Variants in FAM228A observed in about 807,000 individuals in gnomAD.
FAM228A encodes the protein protein FAM228A.
In FAM228A, 13 loss-of-function variants were observed where a neutral mutation model predicts 18.6. The ratio of observed to expected loss-of-function variants is 0.70; its 90% CI spans 0.45 to 1.11. The LOEUF is 1.11. Ranked by LOEUF, FAM228A falls within the 50% of genes least tolerant of loss-of-function variation. The pLI, the probability that FAM228A is intolerant of heterozygous loss-of-function variation, is 0.00. For synonymous variants in FAM228A, 77 were observed against 86.6 expected, an observed-to-expected ratio of 0.89 and a Z score of 0.61; for missense variants, 240 against 242.2, an observed-to-expected ratio of 0.99 and a Z score of 0.06.
Position 24,177,888 on chromosome 2 carries a change from G to A in FAM228A, c.162+18G>A, listed in dbSNP as rs1034280331. 5.8e-6 allele frequency: 9 copies of A among 1,544,600 alleles called. No individual in the cohort carries two copies. The East Asian group carries it at 9.1e-5, about 16-fold the overall frequency. Reference sequence around the variant, plus strand: ...TTGTGAAGGTAAGAGTTGGCTCCACGCTGCATTCTACATATGTTCTAGGGG... The same window carrying A: ...TTGTGAAGGTAAGAGTTGGCTCCACACTGCATTCTACATATGTTCTAGGGG... On this transcript the variant is annotated intron_variant, in intron 3 of 5. Coordinates refer to ENST00000295150, the MANE Select transcript of FAM228A (RefSeq NM_001040710.3).
Position 24,191,100 on chromosome 2 carries a change from A to G in FAM228A, c.*469A>G, listed in dbSNP as rs1197916435. ...TTAAAAGGTATTTTTATATGTAGGA[A>G]TTTTCTGAGTATGGATTTCTTATCC... On this transcript the variant is annotated 3_prime_UTR_variant, in exon 6 of 6. Transcript: ENST00000295150. 2 of 985,714 alleles carry G rather than the reference A, an allele frequency of 2.0e-6. No homozygotes were observed. Among genetic ancestry groups the G allele is most frequent in the Non-Finnish European group, 2.4e-6 (2 of 830,224 alleles). 61.1% of individuals were successfully genotyped at this position (985,714 alleles called of 1,614,324 possible).
rs1668063103 is a variant in FAM228A, at chr2:24,190,711, A to T, written c.*80A>T. 6.9e-7 allele frequency: 1 copy of T among 1,448,760 alleles called. No homozygotes were observed. The highest frequency in any genetic ancestry group is 9.1e-7 in the Non-Finnish European group (1 of 1,099,356). The allele number at this position is 1,448,760 out of a possible 1,614,324, so 89.7% of individuals were successfully genotyped here. A position where few individuals can be genotyped will look rare whatever the true frequency, so the allele number is the denominator to read the frequency against. On this transcript the variant is annotated 3_prime_UTR_variant, in exon 6 of 6. Transcript: ENST00000295150. Reference sequence around the variant, plus strand: ...GCCCAAGAAGAAGGGTGTGAAGAGGAGGAGGGAGAAATGGCGGTGGCCTCA... The same window carrying T: ...GCCCAAGAAGAAGGGTGTGAAGAGGTGGAGGGAGAAATGGCGGTGGCCTCA...
intron 5 of FAM228A, among the ~76,000 whole-genome samples, chr2:24,188,107 G>T (rs10185445): frequency 0.23 from 35,443 of 151,824 alleles, 4,712 homozygotes; most frequent in Non-Finnish European, 0.3. Flanking sequence ...CCCTGTCTCT[G>T]ATCATTTTTG....
intron 3 of FAM228A, among the ~76,000 whole-genome samples, chr2:24,180,046 T>A (rs886219020): frequency 7.9e-5 from 12 of 152,344 alleles, no homozygotes; most frequent in Non-Finnish European, 1.3e-4. Flanking sequence ...GATTTTTTTT[T>A]ATTTTGAGGT....
In FAM228A at chr2:24,183,615, C is replaced by T; in HGVS notation, c.371C>T (p.Ala124Val). Residue 124 changes from alanine to valine, a missense_variant, in exon 5 of 6, where the codon GCA becomes GTA. By Grantham distance (64) the Ala-to-Val change is moderately conservative (BLOSUM62 0). Coordinates refer to ENST00000295150, the MANE Select transcript of FAM228A (RefSeq NM_001040710.3). ...VIPKEWHKAS[A>V]RARSKTYKYS... is the part of the protein sequence containing the mutation. ...CCAAAAGAGTGGCATAAAGCCTCTG[C>T]AAGAGCCAGGAGTAAAACTTACAAA... is the stretch of plus-strand genomic sequence containing the variant. The T allele has an allele frequency of 2.5e-6, 4 of 1,610,566 alleles. No homozygotes were observed. Among genetic ancestry groups the T allele is most frequent in the Non-Finnish European group, 3.4e-6 (4 of 1,178,666 alleles).
In FAM228A at chr2:24,190,637, C is replaced by A; in HGVS notation, c.*6C>A. The A allele has an allele frequency of 1.3e-6, 2 of 1,528,206 alleles. No homozygotes were observed. The highest frequency in any genetic ancestry group is 2.6e-5 in the South Asian group (2 of 77,200). The allele number at this position is 1,528,206 out of a possible 1,614,324, so 94.7% of individuals were successfully genotyped here. On this transcript the variant is annotated 3_prime_UTR_variant, in exon 6 of 6. Transcript: ENST00000295150. ...ACATACTGGTTCCAGAATGAGCCAC[C>A]GCCACAGCCCTCCCTGTCAGACAGG...
chr2:24,182,614 T>C (rs1667841969), intron 3 of FAM228A, among the ~76,000 whole-genome samples: 2 of 152,100 alleles, frequency 1.3e-5, no homozygotes, highest in Non-Finnish European at 2.9e-5. Flanking sequence ...TACGGACCAG[T>C]TGTCAGCTTC....
intron 3 of FAM228A, among the ~76,000 whole-genome samples, chr2:24,178,601 A>G (rs1457340115): frequency 3.9e-5 from 6 of 152,130 alleles, no homozygotes; most frequent in Non-Finnish European, 8.8e-5. Flanking sequence ...AAACTTTGAC[A>G]TTTGAATTGT....
intron 2 of FAM228A, 103 bp downstream of exon 2, chr2:24,175,676 T>C (rs1667665069): frequency 1.1e-6 from 1 of 910,510 alleles, no homozygotes; most frequent in African/African-American, 1.7e-5. Context: ...ATTGTGACAG[T>C]GCCTGCTTTA....
intron 3 of FAM228A, among the ~76,000 whole-genome samples, chr2:24,180,815 C>A (rs750603071): frequency 2.7e-4 from 41 of 152,166 alleles, no homozygotes; most frequent in Admixed American, 2.6e-4. Context: ...CCTGATGTCA[C>A]ACTGTTGAAG....
intron 5 of FAM228A, among the ~76,000 whole-genome samples, chr2:24,189,300 G>T (rs1668028258): frequency 6.6e-6 from 1 of 152,134 alleles, no homozygotes; most frequent in African/African-American, 2.4e-5. Context: ...ACCCTTTCCG[G>T]CCTCATCACA....
intron 2 of FAM228A, chr2:24,175,791 C>A: frequency 1.1e-6 from 1 of 870,120 alleles, no homozygotes; most frequent in Non-Finnish European, 1.6e-6. Flanking sequence ...CGGGGGCGGG[C>A]AGCCGGGCGG....
chr2:24,187,365 C>T (rs1295116974), intron 5 of FAM228A, among the ~76,000 whole-genome samples: 4 of 152,196 alleles, frequency 2.6e-5, no homozygotes, highest in Non-Finnish European at 1.5e-5. Context: ...CCTCCTGTCC[C>T]CCAACAAACA....
At chr2:24,179,844 G>A (rs770767993) in intron 3 of FAM228A, among the ~76,000 whole-genome samples, 5 of 152,146 alleles carry the variant, frequency 3.3e-5, no homozygotes, top group African/African-American at 4.8e-5. Context: ...CCAGGACTGG[G>A]TCATGAAGCA....
In FAM228A at chr2:24,183,323, A is replaced by G. The variant is rs1442025968; in HGVS notation, c.201A>G (p.Arg67=). ...VPPFVDPLFQ[R]QQEVDEERRT... is the part of the protein sequence containing the mutation. Reference sequence around the variant, plus strand: ...CATTTGTTGATCCTCTGTTTCAAAGACAGCAAGAGGTGGATGAAGAGAGGA... The same window carrying G: ...CATTTGTTGATCCTCTGTTTCAAAGGCAGCAAGAGGTGGATGAAGAGAGGA... The change falls in exon 4 of 6, where the codon AGA becomes AGG. Residue 67 remains arginine, a synonymous_variant. Coordinates refer to ENST00000295150, the MANE Select transcript of FAM228A (RefSeq NM_001040710.3). 6.2e-7 allele frequency: 1 copy of G among 1,613,942 alleles called. No individual in the cohort carries two copies. Among genetic ancestry groups the G allele is most frequent in the African/African-American group, 1.3e-5 (1 of 74,910 alleles).
intron 3 of FAM228A, among the ~76,000 whole-genome samples, chr2:24,180,950 T>C (rs1423699876): frequency 6.6e-6 from 1 of 152,316 alleles, no homozygotes; most frequent in East Asian, 1.9e-4. Flanking sequence ...ATGAACCTTT[T>C]AAGTATTTTA....
chr2:24,188,479 C>G (rs1321149225), intron 5 of FAM228A: 1 of 985,244 alleles, frequency 1.0e-6, no homozygotes, highest in Non-Finnish European at 1.2e-6. Flanking sequence ...GAGTTTCTGT[C>G]CTCCATTGAG....
chr2:24,184,826 CTTT>C (rs1169233564), intron 5 of FAM228A, among the ~76,000 whole-genome samples: 2 of 138,412 alleles, frequency 1.4e-5, no homozygotes, highest in African/African-American at 2.6e-5. Flanking sequence ...GCTGTATGGC[CTTT>C]TTTTTTTTTT....
chr2:24,190,010 C>T (rs1413051506), intron 5 of FAM228A, among the ~76,000 whole-genome samples: 2 of 152,152 alleles, frequency 1.3e-5, no homozygotes, highest in African/African-American at 2.4e-5. Flanking sequence ...TACTTCTCTT[C>T]GTGAACCTGC....
Sources: gnomAD v4.1 joint callset for allele counts (sites outside exome capture counted in the v4.1 genomes callset) on GRCh38, gnomAD v4.1.1 for gene constraint, MANE v1.5 for transcripts, NCBI Gene and HGNC (gene_info 2026-07-23, HGNC 2026-07-21) for gene names.